FGFR4: variants seen among roughly 807,000 people sequenced by gnomAD.
The protein encoded by FGFR4 is hydroxyaryl-protein kinase.
FGFR4 carries 63 observed loss-of-function variants against 89.9 expected under a neutral mutation model. The ratio of observed to expected loss-of-function variants is 0.70; its 90% confidence interval spans 0.57 to 0.86. The LOEUF (loss-of-function observed/expected upper bound fraction) is 0.86, where lower values mean the gene tolerates loss of function less well. Among genes scored for constraint, FGFR4 ranks in the 40% least tolerant of loss-of-function variants. FGFR4 has a pLI of 0.00. For synonymous variants in FGFR4, 486 were observed against 479.4 expected, an observed-to-expected ratio of 1.01 and a Z score of -0.18; for missense variants, 928 against 1,106.7, an observed-to-expected ratio of 0.84 and a Z score of 2.29.
Position 177,095,703 on chromosome 5 carries a change from C to T in FGFR4, c.1801C>T (p.Gln601Ter), listed in dbSNP as rs1784533970. 2 of 1,607,068 alleles carry T rather than the reference C, an allele frequency of 1.2e-6. No homozygotes were observed. Among genetic ancestry groups the T allele is most frequent in the Non-Finnish European group, 1.7e-6 (2 of 1,178,080 alleles). The change falls in exon 13 of 18, where the codon CAG becomes TAG. Residue 601 changes from glutamine (Q) to a stop codon, truncating the protein, a stop_gained. Transcript: ENST00000292408. LOFTEE classifies it high-confidence loss of function. This position sits in a 1 kb window ranked among gnomAD's most constrained non-coding sequence, Gnocchi z 5.7. ...SCAYQVARGMQYLESRKCIHR... is the reference protein window; with the variant it reads ...SCAYQVARGM The stretch of plus-strand genomic sequence containing the variant: ...CGCCTACCAGGTGGCCCGAGGCATG[C>T]AGTATCTGGAGTCCCGGAAGGTACA...
intron 16 of FGFR4, 80 bp downstream of exon 16, chr5:177,096,821 C>T (rs1582020240): frequency 1.8e-5 from 27 of 1,514,948 alleles, no homozygotes; most frequent in Non-Finnish European, 2.3e-5. Context: ...GGGTGTGTCC[C>T]GGCCAGAAGG....
chr5:177,094,313 A>G (rs1231453300), intron 11 of FGFR4, among the ~76,000 whole-genome samples: 3 of 152,120 alleles, frequency 2.0e-5, no homozygotes, highest in African/African-American at 7.2e-5. Flanking sequence ...CTCCCAGCCC[A>G]AGGATTGTGG....
In FGFR4 at chr5:177,095,398, C is replaced by A; in HGVS notation, c.1588C>A (p.His530Asn). 10 of 1,614,210 alleles carry A rather than the reference C, an allele frequency of 6.2e-6. No homozygotes were observed. Among genetic ancestry groups the A allele is most frequent in the Non-Finnish European group, 8.5e-6 (10 of 1,180,032 alleles). ...GGAGGTGATGAAGCTGATCGGCCGA[C>A]ACAAGAACATCATCAACCTGCTTGG... ...EMEVMKLIGR[H>N]KNIINLLGVC... Residue 530 changes from histidine to asparagine, a missense_variant, in exon 12 of 18, where the codon CAC (histidine) becomes AAC (asparagine). Coordinates refer to ENST00000292408, the MANE Select transcript of FGFR4 (RefSeq NM_213647.3). The surrounding 1 kb of genome is among the most constrained non-coding windows in gnomAD (Gnocchi z 5.7).
Position 177,087,647 on chromosome 5 carries a change from C to T in FGFR4, c.-54+570C>T. 1 of 985,198 alleles carries T rather than the reference C, an allele frequency of 1.0e-6. No homozygotes were observed. The highest frequency in any genetic ancestry group is 1.2e-6 in the Non-Finnish European group (1 of 829,748). 61.0% of individuals were successfully genotyped at this position (985,198 alleles called of 1,614,324 possible). ...CAGGGCAGCCTGGGGTAGGAATAAA[C>T]TCCCCGGGCCTCCCCACCCACTCCC... On this transcript the variant is annotated intron_variant, in intron 1 of 17. Transcript: ENST00000292408. The surrounding 1 kb of genome is among the most constrained non-coding windows in gnomAD (Gnocchi z 6.1).
At position 177,093,584 on chromosome 5, in the gene FGFR4, G is replaced by A. The variant is rs752995960; in HGVS notation, c.1397+33G>A. The A allele has an allele frequency of 1.9e-6, 3 of 1,612,252 alleles. No homozygotes were observed. The highest frequency in any genetic ancestry group is 2.5e-6 in the Non-Finnish European group (3 of 1,178,710). On this transcript the variant is annotated intron_variant, in intron 10 of 17. Transcript: ENST00000292408. This position sits in a 1 kb window ranked among gnomAD's most constrained non-coding sequence, Gnocchi z 5.8. ...GAGCTGTGTGGGGGCAGGGACGCGGGCGCCGGGTTGCAGCCCGCCCTCCGC... is the reference window on the plus strand; with the variant it reads ...GAGCTGTGTGGGGGCAGGGACGCGGACGCCGGGTTGCAGCCCGCCCTCCGC...
chr5:177,089,653 T>A lies in FGFR4; in HGVS notation c.51T>A (p.Pro17=). 1 of 1,613,960 alleles carries A rather than the reference T, an allele frequency of 6.2e-7. No individual in the cohort carries two copies. Among genetic ancestry groups the A allele is most frequent in the East Asian group, 2.2e-5 (1 of 44,874 alleles). ...LLGVLLSVPG[P]PVLSLEASEE... ...GGGTCCTGCTGAGTGTGCCTGGGCC[T>A]CCAGTCTTGTCCCTGGAGGCCTCTG... Residue 17 remains proline (P), a synonymous_variant, in exon 2 of 18, where the codon CCT becomes CCA. Transcript: ENST00000292408.
rs911440999 is a variant in FGFR4, at chr5:177,093,165, C to G, written c.1085C>G (p.Ala362Gly). 6.2e-7 allele frequency: 1 copy of G among 1,614,042 alleles called. No individual in the cohort carries two copies. Among genetic ancestry groups the G allele is most frequent in the East Asian group, 2.2e-5 (1 of 44,884 alleles). Residue 362 changes from alanine (A) to glycine (G), a missense_variant, in exon 9 of 18, where the codon GCG (alanine) becomes GGG (glycine). By Grantham distance (60) the Ala-to-Gly change is moderately conservative (BLOSUM62 0). This residue lies in a region of FGFR4 where 741 missense variants were observed against 836.9 expected (regional missense o/e 0.89). Transcript: ENST00000292408. This position sits in a 1 kb window ranked among gnomAD's most constrained non-coding sequence, Gnocchi z 5.8. ...PEEDPTWTAA[A>G]PEARYTDIIL... ...GAGGACCCCACATGGACCGCAGCAG[C>G]GCCCGAGGCCAGGTATACGGACATC...
rs1784194289 is a variant in FGFR4 at position 177,087,558 on chromosome 5, C to T, written c.-54+481C>T. On this transcript the variant is annotated intron_variant, in intron 1 of 17. Transcript: ENST00000292408. The surrounding 1 kb of genome is among the most constrained non-coding windows in gnomAD (Gnocchi z 6.1). ...GATGCCTAAGGCAGGCCCTCCATTC[C>T]CACGTGGGGGGTGGTCGGTCAGCGG... The T allele has an allele frequency of 1.0e-6, 1 of 985,174 alleles. No homozygotes were observed. Among genetic ancestry groups the T allele is most frequent in the Non-Finnish European group, 1.2e-6 (1 of 829,874 alleles). 61.0% of individuals were successfully genotyped at this position (985,174 alleles called of 1,614,324 possible).
In FGFR4 at chr5:177,093,055, AGGGACTGAGTTAGGGT is replaced by A. The variant is rs776683021; in HGVS notation, c.1058-81_1058-66del. The A allele has an allele frequency of 6.4e-6, 10 of 1,555,916 alleles. No homozygotes were observed. Among genetic ancestry groups the A allele is most frequent in the Non-Finnish European group, 7.1e-6 (8 of 1,130,404 alleles). Reference sequence around the variant, plus strand: ...GTCCCCACATATGTTGGGAGCTGGGAGGGACTGAGTTAGGGTGCACGGGGCGGCCAGTCTCACCACT... The same window carrying A: ...GTCCCCACATATGTTGGGAGCTGGGAGCACGGGGCGGCCAGTCTCACCACT... On this transcript the variant is annotated intron_variant, in intron 8 of 17. Transcript: ENST00000292408. The surrounding 1 kb of genome is among the most constrained non-coding windows in gnomAD (Gnocchi z 5.8).
chr5:177,092,995 T>A, intron 8 of FGFR4, 143 bp from the exon 9 acceptor site: 1 of 1,315,018 alleles, frequency 7.6e-7, no homozygotes, highest in Non-Finnish European at 1.1e-6. Context: ...TGTGGGTGCC[T>A]GGGACTGGGC....
In FGFR4 at chr5:177,092,717, G is replaced by A; in HGVS notation, c.990G>A (p.Glu330=). ...ACGTGTCAGCCGAGGACGCAGGCGA[G>A]TACACCTGCCTCGCAGGCAATTCCA... The part of the protein sequence containing the change: ...LRNVSAEDAG[E]YTCLAGNSIG... The change falls in exon 8 of 18, where the codon GAG becomes GAA. Residue 330 remains glutamate, a synonymous_variant. Coordinates refer to ENST00000292408, the MANE Select transcript of FGFR4 (RefSeq NM_213647.3). 6.2e-7 allele frequency: 1 copy of A among 1,614,248 alleles called. No individual in the cohort carries two copies. Among genetic ancestry groups the A allele is most frequent in the Non-Finnish European group, 8.5e-7 (1 of 1,180,038 alleles).
rs1784403750 is a variant in FGFR4, at chr5:177,092,528, G to A, written c.918+17G>A. 9 of 1,563,334 alleles carry A rather than the reference G, an allele frequency of 5.8e-6. No individual in the cohort carries two copies. The highest frequency in any genetic ancestry group is 7.0e-6 in the Non-Finnish European group (8 of 1,150,340). ...GTCCTAAAGGTAAAAGGTGCACCCT[G>A]CTGCAGCCTGGGCCCCATTCTTCTC... On this transcript the variant is annotated intron_variant, in intron 7 of 17. Coordinates refer to ENST00000292408, the MANE Select transcript of FGFR4 (RefSeq NM_213647.3).
chr5:177,092,331 G>T lies in FGFR4; in HGVS notation c.738G>T (p.Pro246=), dbSNP rs374603394. The change falls in exon 7 of 18, where the codon CCG becomes CCT. Residue 246 remains proline (P), a synonymous_variant. Coordinates refer to ENST00000292408, the MANE Select transcript of FGFR4 (RefSeq NM_213647.3). ...TCGCCCGGTCCCCAGAGCGGTCCCC[G>T]CACCGGCCCATCCTGCAGGCCGGGC... ...NYLLDVLERS[P]HRPILQAGLP... The T allele has an allele frequency of 1.9e-6, 3 of 1,583,394 alleles. No individual in the cohort carries two copies. Among genetic ancestry groups the T allele is most frequent in the Non-Finnish European group, 8.6e-7 (1 of 1,161,008 alleles).
In FGFR4 at chr5:177,093,757, G is replaced by A. The variant is rs1377721633; in HGVS notation, c.1501G>A (p.Ala501Thr). ...PARPDQASTV[A>T]VKMLKDNASD... The stretch of plus-strand genomic sequence containing the variant: ...CCGGCCTGACCAAGCCAGCACTGTG[G>A]CCGTCAAGATGCTCAAAGGTGAGTG... The change falls in exon 11 of 18, where the codon GCC becomes ACC. Residue 501 changes from alanine (A) to threonine (T), a missense_variant. By Grantham distance (58) the Ala-to-Thr change is moderately conservative. This residue lies in a region of FGFR4 where 741 missense variants were observed against 836.9 expected (regional missense o/e 0.89). Transcript: ENST00000292408. The surrounding 1 kb of genome is among the most constrained non-coding windows in gnomAD (Gnocchi z 5.8). The A allele has an allele frequency of 6.2e-7, 1 of 1,613,204 alleles. No individual in the cohort carries two copies. The highest frequency in any genetic ancestry group is 1.7e-5 in the Admixed American group (1 of 60,018).
chr5:177,089,512 G>A, intron 1 of FGFR4, 38 bp from the exon 2 acceptor site: 2 of 1,497,854 alleles, frequency 1.3e-6, no homozygotes, highest in African/African-American at 1.4e-5. Flanking sequence ...CCACAAAGGT[G>A]CACGTGTAGC....
chr5:177,091,705 T>C lies in FGFR4; in HGVS notation c.624T>C (p.Ser208=). 1.2e-6 allele frequency: 2 copies of C among 1,613,936 alleles called. No individual in the cohort carries two copies. Among genetic ancestry groups the C allele is most frequent in the Non-Finnish European group, 1.7e-6 (2 of 1,179,990 alleles). The change falls in exon 6 of 18, where the codon AGT becomes AGC. Residue 208 remains serine (S), a synonymous_variant. Transcript: ENST00000292408. ...GGIRLRHQHW[S]LVMESVVPSD... ...TGCAGCTGCGCCATCAGCACTGGAG[T>C]CTCGTGATGGAGAGCGTGGTGCCCT... is the stretch of plus-strand genomic sequence containing the variant.
In FGFR4 at chr5:177,096,373, GGTCACT is replaced by G. The variant is rs753334534; in HGVS notation, c.2015+20_2015+25del. Reference sequence around the variant, plus strand: ...AGAGTGACGTGTGAGTCCTGCCGGCGGTCACTGTCCTACCCCACAAAAAGGGCAAGG... The same window carrying G: ...AGAGTGACGTGTGAGTCCTGCCGGCGGTCCTACCCCACAAAAAGGGCAAGG... On this transcript the variant is annotated intron_variant, in intron 15 of 17. Transcript: ENST00000292408. The G allele has an allele frequency of 2.7e-5, 43 of 1,613,638 alleles. No individual in the cohort carries two copies. Among genetic ancestry groups the G allele is most frequent in the Non-Finnish European group, 3.6e-5 (42 of 1,179,896 alleles).
Position 177,097,617 on chromosome 5 carries a change from C to G in FGFR4, c.2350C>G (p.His784Asp). The stretch of plus-strand genomic sequence containing the variant: ...CTCCTCCAGCGATTCTGTCTTCAGC[C>G]ACGACCCCCTGCCATTGGGATCCAG... Reference protein sequence around the residue: ...TCSSSDSVFSHDPLPLGSSSF... With the variant: ...TCSSSDSVFSDDPLPLGSSSF... Residue 784 changes from histidine to aspartate, a missense_variant, in exon 18 of 18, where the codon CAC becomes GAC. Transcript: ENST00000292408. The G allele has an allele frequency of 1.2e-6, 2 of 1,614,228 alleles. No individual in the cohort carries two copies. The highest frequency in any genetic ancestry group is 1.7e-6 in the Non-Finnish European group (2 of 1,180,040).
intron 1 of FGFR4, 118 bp from the exon 2 acceptor site, chr5:177,089,432 A>G: frequency 8.5e-7 from 1 of 1,181,296 alleles, no homozygotes; most frequent in Non-Finnish European, 1.2e-6. Flanking sequence ...CAGCCTGGCC[A>G]GGGACTTGGA....
Sources: allele counts gnomAD v4.1 joint callset (sites outside exome capture counted in the v4.1 genomes callset), GRCh38; gene constraint gnomAD v4.1.1; regional missense constraint gnomAD v4.1.1; non-coding constraint Gnocchi (gnomAD v3.1); transcripts MANE v1.5; gene names NCBI Gene and HGNC (gene_info 2026-07-23, HGNC 2026-07-21).